BASP1: variants seen among roughly 807,000 people sequenced by gnomAD.
BASP1 encodes the protein brain acid soluble protein 1.
Under a neutral mutation model 2.2 loss-of-function variants are expected in BASP1, and 1 was observed. The ratio of observed to expected loss-of-function variants is 0.46; its 90% CI spans 0.16 to 2.17. The LOEUF (loss-of-function observed/expected upper bound fraction) is 2.17, where lower values mean the gene tolerates loss of function less well. BASP1 is among the 30% of genes most tolerant of loss of function. BASP1 has a pLI of 0.27. For synonymous variants in BASP1, 187 were observed against 154.2 expected, an observed-to-expected ratio of 1.21 and a Z score of -1.58; for missense variants, 352 against 327.2, an observed-to-expected ratio of 1.08 and a Z score of -0.58.
chr5:17,241,813 G>A (rs1422893274), intron 1 of BASP1, among the ~76,000 whole-genome samples: 1 of 152,178 alleles, frequency 6.6e-6, no homozygotes, highest in Non-Finnish European at 1.5e-5. Context: ...GAACAAAACA[G>A]AAGCTCCAAC....
At chr5:17,235,242 C>T (rs1248257372) in intron 1 of BASP1, among the ~76,000 whole-genome samples, 2 of 150,904 alleles carry the variant, frequency 1.3e-5, no homozygotes, top group African/African-American at 4.9e-5. Context: ...TGCTGTTGCT[C>T]CCGTCTGCTA....
intron 1 of BASP1, among the ~76,000 whole-genome samples, chr5:17,269,330 A>C (rs1740486410): frequency 6.6e-6 from 1 of 152,230 alleles, no homozygotes; most frequent in Admixed American, 6.5e-5. Context: ...AGTTGTAGGA[A>C]GTGAGACTCA....
intron 1 of BASP1, among the ~76,000 whole-genome samples, chr5:17,223,634 T>C (rs1739433986): frequency 6.6e-6 from 1 of 152,178 alleles, no homozygotes; most frequent in Admixed American, 6.5e-5. Flanking sequence ...AATTTGTACT[T>C]TTTTTAATTG....
At position 17,275,117 on chromosome 5, in the gene BASP1, C is replaced by T; in HGVS notation, c.-9-91C>T. On this transcript the variant is annotated intron_variant, in intron 1 of 1. Transcript: ENST00000322611. The surrounding 1 kb of genome is among the most constrained non-coding windows in gnomAD (Gnocchi z 5.3). ...TTTGGGGTGTGCAGTGCAGCAGGCCCAGAACCCCTTGCTTTGCAAAATGCA... is the reference window on the plus strand; with the variant it reads ...TTTGGGGTGTGCAGTGCAGCAGGCCTAGAACCCCTTGCTTTGCAAAATGCA... The T allele has an allele frequency of 1.6e-6, 2 of 1,272,682 alleles. No individual in the cohort carries two copies. Among genetic ancestry groups the T allele is most frequent in the Non-Finnish European group, 2.2e-6 (2 of 898,304 alleles). 78.8% of individuals were successfully genotyped at this position (1,272,682 alleles called of 1,614,324 possible).
At position 17,276,084 on chromosome 5, in the gene BASP1, CAGGA is replaced by C; in HGVS notation, c.*185_*188del. ...GATATGTATTGCCCAAGGAAAAATA[CAGGA>C]TGTTGTCCCATCAAGGGAGGGAGGG... On this transcript the variant is annotated 3_prime_UTR_variant, in exon 2 of 2. Transcript: ENST00000322611. 1.3e-5 allele frequency: 5 copies of C among 393,748 alleles called. No homozygotes were observed. The highest frequency in any genetic ancestry group is 1.3e-5 in the Non-Finnish European group (3 of 226,490). The allele number at this position is 393,748 out of a possible 1,614,324, so 24.4% of individuals were successfully genotyped here. A position where few individuals can be genotyped will look rare whatever the true frequency, so the allele number is the denominator to read the frequency against.
chr5:17,246,515 G>C (rs1739994895), intron 1 of BASP1, among the ~76,000 whole-genome samples: 1 of 151,994 alleles, frequency 6.6e-6, no homozygotes, highest in Admixed American at 6.6e-5. Context: ...CTTTTGGAAA[G>C]GTGGAGACTC....
chr5:17,275,571 G>A lies in BASP1; in HGVS notation c.355G>A (p.Ala119Thr). ...AAPGPAAGGE[A>T]PKAAEAAAAP... Reference sequence around the variant, plus strand: ...CCCCGGCCCCGCTGCGGGCGGCGAGGCCCCCAAAGCTGCTGAGGCCGCCGC... The same window carrying A: ...CCCCGGCCCCGCTGCGGGCGGCGAGACCCCCAAAGCTGCTGAGGCCGCCGC... Residue 119 changes from alanine (A) to threonine (T), a missense_variant, in exon 2 of 2, where the codon GCC (alanine) becomes ACC (threonine). Transcript: ENST00000322611. The surrounding 1 kb of genome is among the most constrained non-coding windows in gnomAD (Gnocchi z 5.3). The A allele has an allele frequency of 7.2e-7, 1 of 1,379,520 alleles. No individual in the cohort carries two copies. Among genetic ancestry groups the A allele is most frequent in the African/African-American group, 1.5e-5 (1 of 64,830 alleles). The allele number at this position is 1,379,520 out of a possible 1,614,324, so 85.5% of individuals were successfully genotyped here.
At position 17,239,339 on chromosome 5, in the gene BASP1, C is replaced by T. The variant is rs566237872; in HGVS notation, c.-10+21529C>T. On this transcript the variant is annotated intron_variant, in intron 1 of 1. Coordinates refer to ENST00000322611, the MANE Select transcript of BASP1 (RefSeq NM_006317.5). The stretch of plus-strand genomic sequence containing the variant: ...CGATCTCCTGACCTTGTGATCCGCC[C>T]GCCTCAGCCTCCCAAAGTGCGGGGA... 5.9e-5 allele frequency among the ~76,000 whole-genome samples: 9 copies of T among 152,222 alleles called. No homozygotes were observed. The East Asian group carries it at 1.2e-3, about 20-fold the overall frequency.
At chr5:17,230,953 A>G (rs1739623752) in intron 1 of BASP1, among the ~76,000 whole-genome samples, 1 of 152,130 alleles carries the variant, frequency 6.6e-6, no homozygotes, top group Non-Finnish European at 1.5e-5. Context: ...TTAAGGTCAC[A>G]TTACGTTAAC....
chr5:17,231,367 A>G (rs943215420), intron 1 of BASP1, among the ~76,000 whole-genome samples: 1 of 152,108 alleles, frequency 6.6e-6, no homozygotes, highest in Non-Finnish European at 1.5e-5. Context: ...ATCTAGTGGA[A>G]GCTTCTATTC....
At chr5:17,224,911 A>G (rs1440365831) in intron 1 of BASP1, among the ~76,000 whole-genome samples, 2 of 152,248 alleles carry the variant, frequency 1.3e-5, no homozygotes, top group African/African-American at 4.8e-5. Flanking sequence ...AAATTGGTCA[A>G]TCTGTTTTGT....
intron 1 of BASP1, among the ~76,000 whole-genome samples, chr5:17,269,262 G>A (rs1483702144): frequency 1.3e-5 from 2 of 152,216 alleles, no homozygotes; most frequent in African/African-American, 4.8e-5. Context: ...ATGATTTGCT[G>A]CCAATAAACG....
chr5:17,268,094 T>C (rs1258647615), intron 1 of BASP1, among the ~76,000 whole-genome samples: 2 of 152,198 alleles, frequency 1.3e-5, no homozygotes, highest in African/African-American at 4.8e-5. Flanking sequence ...AGAAAGAGAA[T>C]ACACTTTAAG....
chr5:17,234,408 G>T (rs753533321), intron 1 of BASP1, among the ~76,000 whole-genome samples: 7 of 152,062 alleles, frequency 4.6e-5, no homozygotes, highest in Non-Finnish European at 8.8e-5. Flanking sequence ...TAGTTAAAAG[G>T]TACAAATAAT....
chr5:17,270,157 C>T (rs569506969), intron 1 of BASP1, among the ~76,000 whole-genome samples: 1 of 152,252 alleles, frequency 6.6e-6, no homozygotes, highest in East Asian at 1.9e-4. Context: ...TGCACCACCA[C>T]ATCTGGCTAA....
At chr5:17,242,791 G>A (rs897688175) in intron 1 of BASP1, among the ~76,000 whole-genome samples, 2 of 151,044 alleles carry the variant, frequency 1.3e-5, no homozygotes, top group Admixed American at 6.6e-5. Context: ...CTTGCTCTGC[G>A]TGCTAATGTC....
At chr5:17,233,203 C>G (rs1739669473) in intron 1 of BASP1, among the ~76,000 whole-genome samples, 1 of 152,200 alleles carries the variant, frequency 6.6e-6, no homozygotes, top group South Asian at 2.1e-4. Context: ...TGGTAGGCGT[C>G]TTTATTGTCT....
At chr5:17,225,577 T>C (rs1739483838) in intron 1 of BASP1, among the ~76,000 whole-genome samples, 1 of 152,216 alleles carries the variant, frequency 6.6e-6, no homozygotes, top group African/African-American at 2.4e-5. Context: ...TGCACAGTGG[T>C]TGGGGGCTGG....
chr5:17,217,626 G>A (rs1739283964), upstream of BASP1: 1 of 156,396 alleles, frequency 6.4e-6, no homozygotes, highest in Admixed American at 6.5e-5. Context: ...GGCGGCGGCG[G>A]CGGCAGTAGC....
Sources: gnomAD v4.1 joint callset for allele counts (sites outside exome capture counted in the v4.1 genomes callset) on GRCh38, gnomAD v4.1.1 for gene constraint, Gnocchi (gnomAD v3.1) non-coding constraint, MANE v1.5 for transcripts, NCBI Gene and HGNC (gene_info 2026-07-23, HGNC 2026-07-21) for gene names.